AP3D1: variants seen among roughly 807,000 people sequenced by gnomAD.
The protein encoded by AP3D1 is AP-3 complex subunit delta-1.
In AP3D1, 51 loss-of-function variants were observed where a neutral mutation model predicts 147.6. The ratio of observed to expected loss-of-function variants is 0.35; its 90% confidence interval spans 0.28 to 0.44. AP3D1 has a LOEUF of 0.44. AP3D1 is among the 20% of genes least tolerant of loss of function. The pLI, the probability that AP3D1 is intolerant of heterozygous loss-of-function variation, is 1.00. For missense variants in AP3D1, 1,421 were observed against 1,624.2 expected (o/e 0.87, Z 2.15); for synonymous variants, 760 against 663.0 (o/e 1.15, Z -2.25).
intron 1 of AP3D1, among the ~76,000 whole-genome samples, chr19:2,139,369 A>G (rs1186308401): frequency 6.6e-6 from 1 of 152,122 alleles, no homozygotes; most frequent in Non-Finnish European, 1.5e-5. Context: ...CTGCTGTGAA[A>G]ACCACACTCA....
At chr19:2,125,374 G>A (rs930561002) in intron 9 of AP3D1, among the ~76,000 whole-genome samples, 3 of 152,188 alleles carry the variant, frequency 2.0e-5, no homozygotes, top group South Asian at 2.1e-4. Flanking sequence ...GGAGTGCAAC[G>A]GCACAATCTT....
chr19:2,123,126 G>A (rs1455226113), intron 11 of AP3D1, among the ~76,000 whole-genome samples: 1 of 152,230 alleles, frequency 6.6e-6, no homozygotes, highest in African/African-American at 2.4e-5. Flanking sequence ...ATCTCCCCTG[G>A]GACTGGGGCT....
rs760535943 is a variant in AP3D1, at chr19:2,120,951, G to A, written c.1392C>T (p.Asp464=). The A allele has an allele frequency of 3.7e-6, 6 of 1,612,124 alleles. No individual in the cohort carries two copies. The South Asian group carries it at 6.6e-5, about 18-fold the overall frequency. ...FAVSQMSALL[D]SAHLLASSTQ... ...TGCTGCTGGCCAGCAGGTGTGCACT[G>A]TCAAGCAGCGCAGACATCTGGGACA... Residue 464 remains aspartate, a synonymous_variant, in exon 14 of 32, where the codon GAC becomes GAT. Coordinates refer to ENST00000643116, the MANE Select transcript of AP3D1 (RefSeq NM_001261826.3).
intron 31 of AP3D1, among the ~76,000 whole-genome samples, chr19:2,105,597 ATC>A (rs1357417520): frequency 6.6e-6 from 1 of 151,908 alleles, no homozygotes; most frequent in Non-Finnish European, 1.5e-5. Context: ...ATGTGGGTAA[ATC>A]TCTGTTCGGG....
At chr19:2,128,665 G>GC (rs1190539307) in intron 8 of AP3D1, among the ~76,000 whole-genome samples, 1 of 5,118 alleles carries the variant, frequency 2.0e-4, no homozygotes, top group Non-Finnish European at 4.9e-4. Flanking sequence ...GAGCCGGCCC[G>GC]CCCCACAGCT....
chr19:2,137,680 C>G, intron 3 of AP3D1, 47 bp downstream of exon 3: 1 of 1,541,858 alleles, frequency 6.5e-7, no homozygotes, highest in African/African-American at 1.4e-5. Flanking sequence ...TGCCTCACAC[C>G]TGTAATCACT....
chr19:2,142,153 G>A (rs1334643368), intron 1 of AP3D1, among the ~76,000 whole-genome samples: 1 of 151,868 alleles, frequency 6.6e-6, no homozygotes, highest in Non-Finnish European at 1.5e-5. Context: ...CAGTAGCTGG[G>A]GTTACAAGCA....
chr19:2,118,573 C>A, intron 15 of AP3D1, 28 bp downstream of exon 15: 1 of 1,583,348 alleles, frequency 6.3e-7, no homozygotes, highest in Non-Finnish European at 8.6e-7. Flanking sequence ...CCCTGAGGCT[C>A]GGCCCAACAC....
chr19:2,110,109 T>C lies in AP3D1; in HGVS notation c.3264+27A>G, dbSNP rs113684349. The C allele has an allele frequency of 0.15, 242,007 of 1,607,554 alleles. 19,445 individuals are homozygous for C. Among genetic ancestry groups the C allele is most frequent in the Non-Finnish European group, 0.17 (194,174 of 1,175,510 alleles). ...GAGCCCCTGCCTGCAGAGTCGGCTCTTCAACGCCAAGTGGAGCCCTGCATA... is the reference window on the plus strand; with the variant it reads ...GAGCCCCTGCCTGCAGAGTCGGCTCCTCAACGCCAAGTGGAGCCCTGCATA... On this transcript the variant is annotated intron_variant, in intron 28 of 31. Coordinates refer to ENST00000643116, the MANE Select transcript of AP3D1 (RefSeq NM_001261826.3).
At chr19:2,127,400 G>A (rs1263488625) in intron 8 of AP3D1, among the ~76,000 whole-genome samples, 199 bp from the exon 9 acceptor site, 3 of 152,230 alleles carry the variant, frequency 2.0e-5, no homozygotes, top group Non-Finnish European at 4.4e-5. Context: ...AAGGGCAGGT[G>A]AGCAATCCCT....
intron 21 of AP3D1, 110 bp downstream of exon 21, chr19:2,114,638 C>A: frequency 1.5e-6 from 1 of 684,784 alleles, no homozygotes; most frequent in South Asian, 1.6e-5. Context: ...CCGCACCCCA[C>A]CCCAGCCTGC....
chr19:2,147,826 A>G (rs1306168068), intron 1 of AP3D1, among the ~76,000 whole-genome samples: 3 of 150,922 alleles, frequency 2.0e-5, no homozygotes, highest in Non-Finnish European at 4.4e-5. Flanking sequence ...TGGAGGTTGC[A>G]GTGAGCCGAG....
intron 26 of AP3D1, 25 bp from the exon 27 acceptor site, chr19:2,110,921 A>G: frequency 1.2e-6 from 2 of 1,602,182 alleles, no homozygotes; most frequent in Middle Eastern, 1.9e-4. Context: ...CAGTGTTAGC[A>G]GGGCAGGCGG....
At chr19:2,131,024 A>G (rs139805288) in intron 5 of AP3D1, among the ~76,000 whole-genome samples, 131 of 152,346 alleles carry the variant, frequency 8.6e-4, no homozygotes, top group African/African-American at 3.1e-3. Flanking sequence ...GCTTTACTCT[A>G]GAGGAGCCGG....
chr19:2,156,004 G>A (rs1169722617), upstream of AP3D1, among the ~76,000 whole-genome samples: 2 of 150,074 alleles, frequency 1.3e-5, no homozygotes, highest in Non-Finnish European at 3.0e-5. Context: ...AGTGAGCCAC[G>A]ATTGCGCCAC....
intron 1 of AP3D1, among the ~76,000 whole-genome samples, chr19:2,139,893 C>T (rs191642770): frequency 8.1e-4 from 124 of 152,228 alleles, no homozygotes; most frequent in Non-Finnish European, 1.4e-3. Flanking sequence ...ACTCATGTGT[C>T]ACCCAGGACC....
At position 2,110,615 on chromosome 19, in the gene AP3D1, G is replaced by A. The variant is rs111772038; in HGVS notation, c.3175+92C>T. 6.9e-4 allele frequency: 918 copies of A among 1,336,644 alleles called. 7 individuals carry two copies. The African/African-American group carries it at 0.012, about 18-fold the overall frequency. The allele number at this position is 1,336,644 out of a possible 1,614,324, so 82.8% of individuals were successfully genotyped here. ...CTGGGGACAAAGGGGACATGGGGAGGAAGCAACAAGAACCAGCGGATCCGG... is the reference window on the plus strand; with the variant it reads ...CTGGGGACAAAGGGGACATGGGGAGAAAGCAACAAGAACCAGCGGATCCGG... On this transcript the variant is annotated intron_variant, in intron 27 of 31. Transcript: ENST00000643116.
intron 31 of AP3D1, among the ~76,000 whole-genome samples, chr19:2,102,725 C>CAAAA (rs927101273): frequency 3.5e-5 from 4 of 114,354 alleles, no homozygotes; most frequent in African/African-American, 1.4e-4. Context: ...GAGACTGTCT[C>CAAAA]AAAAAATAAA....
chr19:2,159,321 C>T (rs1446332038), intron 1 of AP3D1, among the ~76,000 whole-genome samples: 3 of 148,720 alleles, frequency 2.0e-5, no homozygotes, highest in East Asian at 2.0e-4. Context: ...CAGGTTCAAG[C>T]GATTCTCCTG....
Sources: allele counts gnomAD v4.1 joint callset (sites outside exome capture counted in the v4.1 genomes callset), GRCh38; gene constraint gnomAD v4.1.1; transcripts MANE v1.5; gene names NCBI Gene and HGNC (gene_info 2026-07-23, HGNC 2026-07-21).